Variants in MSRA observed in about 807,000 individuals in gnomAD.
MSRA encodes the protein mitochondrial peptide methionine sulfoxide reductase.
Under a neutral mutation model 31.3 loss-of-function variants are expected in MSRA, and 54 were observed. That is an observed-to-expected ratio of 1.73 (90% CI 1.39 to 2.17). MSRA has a LOEUF of 2.17. MSRA is among the 30% of genes most tolerant of loss of function. The probability of loss-of-function intolerance (pLI) is 0.00; values close to 1 mark genes in which losing one functional copy is unlikely to be tolerated. For missense variants in MSRA, 507 were observed against 300.9 expected, an observed-to-expected ratio of 1.69 and a Z score of -5.07; for synonymous variants, 169 against 116.5, an observed-to-expected ratio of 1.45 and a Z score of -2.90.
In MSRA at chr8:10,327,006, GC is replaced by G. The variant is rs1212637361; in HGVS notation, c.543+7019del. 2.0e-5 allele frequency among the ~76,000 whole-genome samples: 3 copies of G among 152,206 alleles called. No homozygotes were observed. In the East Asian group the frequency reaches 5.8e-4, roughly 29 times the overall value. On this transcript the variant is annotated intron_variant, in intron 5 of 5. Coordinates refer to ENST00000317173, the MANE Select transcript of MSRA (RefSeq NM_012331.5). ...AGCAAATCTAAAGAGCATTCTCCTGGCCATATGACCTGGCTCCTTCTGCCAG... is the reference window on the plus strand; with the variant it reads ...AGCAAATCTAAAGAGCATTCTCCTGGCATATGACCTGGCTCCTTCTGCCAG...
intron 5 of MSRA, among the ~76,000 whole-genome samples, chr8:10,394,278 C>A (rs1379827332): frequency 6.6e-6 from 1 of 152,164 alleles, no homozygotes; most frequent in South Asian, 2.1e-4. Context: ...CTGTAGTCCC[C>A]AGCGACGATA....
intron 4 of MSRA, among the ~76,000 whole-genome samples, chr8:10,311,086 A>G (rs1335526961): frequency 6.6e-6 from 1 of 152,232 alleles, no homozygotes; most frequent in Non-Finnish European, 1.5e-5. Context: ...GACTTCACAT[A>G]AAAGAGTACT....
intron 5 of MSRA, among the ~76,000 whole-genome samples, chr8:10,421,749 C>T (rs974120376): frequency 2.6e-5 from 4 of 152,100 alleles, no homozygotes; most frequent in African/African-American, 9.7e-5. Flanking sequence ...TCCTATGAGT[C>T]GCTGGAGCTG....
chr8:10,376,982 C>G (rs1310651957), intron 5 of MSRA, among the ~76,000 whole-genome samples: 1 of 152,134 alleles, frequency 6.6e-6, no homozygotes, highest in Non-Finnish European at 1.5e-5. Context: ...AATGTTAGCC[C>G]AGATTCTTTT....
intron 1 of MSRA, among the ~76,000 whole-genome samples, chr8:10,181,768 C>T (rs1466946089): frequency 1.3e-5 from 2 of 152,162 alleles, no homozygotes; most frequent in Admixed American, 6.5e-5. Context: ...GAAGGTCAAG[C>T]TGGTGGGACT....
chr8:10,379,058 C>T (rs949662548), intron 5 of MSRA, among the ~76,000 whole-genome samples: 3 of 152,158 alleles, frequency 2.0e-5, no homozygotes, highest in Admixed American at 6.5e-5. Flanking sequence ...AGTATTAGTG[C>T]GTCTTTTCCA....
At chr8:10,145,429 T>A (rs1376324108) in intron 1 of MSRA, among the ~76,000 whole-genome samples, 1 of 152,220 alleles carries the variant, frequency 6.6e-6, no homozygotes, top group Non-Finnish European at 1.5e-5. Flanking sequence ...CGCTTGTTGA[T>A]TCAGGCTGTG....
intron 1 of MSRA, among the ~76,000 whole-genome samples, chr8:10,203,502 A>G (rs1478224219): frequency 6.6e-6 from 1 of 152,228 alleles, no homozygotes; most frequent in Non-Finnish European, 1.5e-5. Context: ...AAAGATTTTT[A>G]TCACCTAGTG....
intron 5 of MSRA, chr8:10,320,323 C>T (rs1801977772): frequency 2.4e-5 from 4 of 165,560 alleles, no homozygotes; most frequent in Admixed American, 1.9e-4. Flanking sequence ...CAAAAATAAG[C>T]CAGGCATGGT....
chr8:10,088,836 A>G (rs1190575692), intron 1 of MSRA, among the ~76,000 whole-genome samples: 1 of 152,272 alleles, frequency 6.6e-6, no homozygotes, highest in Non-Finnish European at 1.5e-5. Context: ...TTGCCACAGC[A>G]CGGACGGATC....
At chr8:10,334,184 A>G (rs59205348) in intron 5 of MSRA, among the ~76,000 whole-genome samples, 3 of 92,812 alleles carry the variant, frequency 3.2e-5, no homozygotes, top group Non-Finnish European at 4.9e-5. Flanking sequence ...GTGTGTGTGT[A>G]TTTATGTGTG....
intron 3 of MSRA, among the ~76,000 whole-genome samples, chr8:10,274,275 G>C (rs1009946430): frequency 1.3e-5 from 2 of 152,168 alleles, no homozygotes; most frequent in African/African-American, 4.8e-5. Context: ...AGGGGAGCAG[G>C]TCCATTGTTT....
In MSRA at chr8:10,245,125, C is replaced by T. The variant is rs760281395; in HGVS notation, c.233C>T (p.Ala78Val). 6.2e-7 allele frequency: 1 copy of T among 1,611,754 alleles called. No homozygotes were observed. Among genetic ancestry groups the T allele is most frequent in the Non-Finnish European group, 8.5e-7 (1 of 1,179,442 alleles). Residue 78 changes from alanine (A) to valine (V), a missense_variant, in exon 3 of 6, where the codon GCT (alanine) becomes GTT (valine). Transcript: ENST00000317173. Reference sequence around the variant, plus strand: ...TAAGGAATGGGATGTTTCTGGGGAGCTGAAAGGAAATTCTGGGTCTTGAAA... The same window carrying T: ...TAAGGAATGGGATGTTTCTGGGGAGTTGAAAGGAAATTCTGGGTCTTGAAA... ...AVFGMGCFWG[A>V]ERKFWVLKGV...
Position 10,054,665 on chromosome 8 carries a change from A to T in MSRA, c.142+7A>T. 6.6e-7 allele frequency: 1 copy of T among 1,522,188 alleles called. No homozygotes were observed. The highest frequency in any genetic ancestry group is 8.8e-7 in the Non-Finnish European group (1 of 1,131,380). The allele number at this position is 1,522,188 out of a possible 1,614,324, so 94.3% of individuals were successfully genotyped here. ...GAACAGACCCCTGTAGCGGGTAAGCACTGGCCACACGGAAGGCGCGGGCGG... is the reference window on the plus strand; with the variant it reads ...GAACAGACCCCTGTAGCGGGTAAGCTCTGGCCACACGGAAGGCGCGGGCGG... On this transcript the variant is annotated splice_region_variant and intron_variant, in intron 1 of 5. Coordinates refer to ENST00000317173, the MANE Select transcript of MSRA (RefSeq NM_012331.5).
rs143629063 is a variant in MSRA, at chr8:10,126,996, G to GCCTGGTC, written c.142+72340_142+72346dup. ...GCGGCCTGGTTCCCAACAGGCCACAGCCTGGTCCACTAGCTAGGGGTTGGG... is the reference window on the plus strand; with the variant it reads ...GCGGCCTGGTTCCCAACAGGCCACAGCCTGGTCCCTGGTCCACTAGCTAGGGGTTGGG... On this transcript the variant is annotated intron_variant, in intron 1 of 5. Transcript: ENST00000317173. Among the ~76,000 whole-genome samples the GCCTGGTC allele has an allele frequency of 8.5e-5, 13 of 152,358 alleles. No individual in the cohort carries two copies. In the East Asian group the frequency reaches 1.9e-3, roughly 23 times the overall value.
intron 3 of MSRA, among the ~76,000 whole-genome samples, chr8:10,266,008 G>C (rs1298169451): frequency 2.0e-5 from 3 of 152,196 alleles, no homozygotes; most frequent in Admixed American, 2.0e-4. Flanking sequence ...TGAACAGTCA[G>C]GTTGTTTTCA....
At position 10,054,427 on chromosome 8, in the gene MSRA, G is replaced by C; in HGVS notation, c.-90G>C. On this transcript the variant is annotated 5_prime_UTR_variant, in exon 1 of 6. Transcript: ENST00000317173. ...CGCGCCCCTGCCGCCCCCCGGTTCC[G>C]GCCGCGGACCCCACTCTCTGCCGTT... 1 of 604,968 alleles carries C rather than the reference G, an allele frequency of 1.7e-6. No homozygotes were observed. Among genetic ancestry groups the C allele is most frequent in the Non-Finnish European group, 2.2e-6 (1 of 452,674 alleles). The allele number at this position is 604,968 out of a possible 1,614,324, so 37.5% of individuals were successfully genotyped here. A position where few individuals can be genotyped will look rare whatever the true frequency, so the allele number is the denominator to read the frequency against.
intron 3 of MSRA, among the ~76,000 whole-genome samples, chr8:10,291,609 G>A (rs1800240656): frequency 2.0e-5 from 3 of 152,010 alleles, no homozygotes; most frequent in Admixed American, 2.0e-4. Context: ...TAGTTAATTA[G>A]CAAGAGAAAA....
chr8:10,129,799 C>G (rs17151155), intron 1 of MSRA, among the ~76,000 whole-genome samples: 3,577 of 152,258 alleles, frequency 0.023, 122 homozygotes, highest in African/African-American at 0.08. Context: ...TCCAAACCAG[C>G]TTATACTTGT....
Sources: gnomAD v4.1 joint callset for allele counts (sites outside exome capture counted in the v4.1 genomes callset) on GRCh38, gnomAD v4.1.1 for gene constraint, MANE v1.5 for transcripts, NCBI Gene and HGNC (gene_info 2026-07-23, HGNC 2026-07-21) for gene names.